TMEM230: variants seen among roughly 807,000 people sequenced by gnomAD.
TMEM230 encodes UPF0414 transmembrane protein C20orf30.
TMEM230 carries 10 observed loss-of-function variants against 15.8 expected under a neutral mutation model. That is an observed-to-expected ratio of 0.63 (90% CI 0.39 to 1.07). TMEM230 has a LOEUF of 1.07. Ranked by LOEUF, TMEM230 falls within the 50% of genes least tolerant of loss-of-function variation. TMEM230 has a pLI of 0.01. For synonymous variants in TMEM230, 67 were observed against 76.9 expected (o/e 0.87, Z 0.68); for missense variants, 165 against 193.3 (o/e 0.85, Z 0.87).
At chr20:5,110,543 C>A (rs991894189) in intron 2 of TMEM230, among the ~76,000 whole-genome samples, 3 of 152,150 alleles carry the variant, frequency 2.0e-5, no homozygotes, top group African/African-American at 4.8e-5. Context: ...ACTCAGCCTT[C>A]CAAAGTGCTG....
intron 3 of TMEM230, among the ~76,000 whole-genome samples, chr20:5,085,839 A>G (rs1249092477): frequency 6.6e-6 from 1 of 152,090 alleles, no homozygotes; most frequent in African/African-American, 2.4e-5. Flanking sequence ...GGACTCTCCA[A>G]TATCTCACCT....
chr20:5,074,682 T>C (rs2122560567), intron 3 of TMEM230, among the ~76,000 whole-genome samples: 1 of 152,238 alleles, frequency 6.6e-6, no homozygotes, highest in South Asian at 2.1e-4. Context: ...TACATGCTTG[T>C]AATCCCTGCA....
downstream of TMEM230, among the ~76,000 whole-genome samples, chr20:5,064,574 C>T (rs958086980): frequency 6.6e-6 from 1 of 152,008 alleles, no homozygotes. Flanking sequence ...GAAACTCCGT[C>T]TCAAAATAAA....
the TMEM230 span, among the ~76,000 whole-genome samples, chr20:5,059,188 GGT>G: frequency 2.6e-5 from 4 of 151,332 alleles, no homozygotes; most frequent in African/African-American, 9.7e-5. Flanking sequence ...TTTTGAGACA[GGT>G]TTTGTTCTGT....
chr20:5,089,157 G>A (rs2089438484), intron 3 of TMEM230, among the ~76,000 whole-genome samples: 1 of 151,638 alleles, frequency 6.6e-6, no homozygotes. Flanking sequence ...GGCAGATCAC[G>A]AGGTCAGAAG....
downstream of TMEM230, among the ~76,000 whole-genome samples, chr20:5,095,520 A>G (rs2089640722): frequency 6.6e-6 from 1 of 152,172 alleles, no homozygotes. Flanking sequence ...GCTTCTGCAG[A>G]CTTTGGGAGT....
intron 3 of TMEM230, among the ~76,000 whole-genome samples, chr20:5,086,775 C>T (rs1431544324): frequency 1.3e-5 from 2 of 151,670 alleles, no homozygotes; most frequent in East Asian, 3.9e-4. Context: ...TCACAACTCA[C>T]TGTAGCCTCA....
chr20:5,070,512 T>C (rs1224658897), intron 3 of TMEM230, among the ~76,000 whole-genome samples: 2 of 152,092 alleles, frequency 1.3e-5, no homozygotes, highest in East Asian at 1.9e-4. Flanking sequence ...CTGGAAGAAG[T>C]TGTCTTGATC....
chr20:5,070,796 T>G (rs2088797890), intron 3 of TMEM230, among the ~76,000 whole-genome samples: 1 of 152,222 alleles, frequency 6.6e-6, no homozygotes, highest in South Asian at 2.1e-4. Flanking sequence ...TGAGACAAGA[T>G]CTCACTGTTG....
At chr20:5,079,273 A>G (rs2089104985) in intron 3 of TMEM230, among the ~76,000 whole-genome samples, 1 of 152,112 alleles carries the variant, frequency 6.6e-6, no homozygotes, top group Non-Finnish European at 1.5e-5. Flanking sequence ...CAGGCACAAG[A>G]CAGCATGCCT....
At chr20:5,110,344 G>T (rs1327122347) in intron 2 of TMEM230, among the ~76,000 whole-genome samples, 1 of 151,844 alleles carries the variant, frequency 6.6e-6, no homozygotes, top group African/African-American at 2.4e-5. Flanking sequence ...GAGTGCAGTG[G>T]CGCAATCTCC....
exon 4 of TMEM230, chr20:5,069,102 G>A: frequency 8.8e-7 from 1 of 1,133,000 alleles, no homozygotes; most frequent in Non-Finnish European, 1.2e-6. Flanking sequence ...TTTACAATCA[G>A]TCATTTTCAT....
intron 3 of TMEM230, among the ~76,000 whole-genome samples, chr20:5,092,905 A>T (rs562785752): frequency 6.6e-6 from 1 of 152,324 alleles, no homozygotes; most frequent in Non-Finnish European, 1.5e-5. Context: ...TTCGCAGTGA[A>T]CATACTGAAA....
chr20:5,103,648 C>A lies in TMEM230; in HGVS notation c.411+2540G>T, dbSNP rs1425720665. Among the ~76,000 whole-genome samples, 304 of 148,040 alleles carry A rather than the reference C, an allele frequency of 2.1e-3. 2 individuals are homozygous for A. Among genetic ancestry groups the A allele is most frequent in the Admixed American group, 6.6e-3 (98 of 14,842 alleles). ...TCTGTCTCAAAAAAAAAAAAACAAA[C>A]AAAAAAACCAAAAAACAAAAAAACA... On this transcript the variant is annotated intron_variant, in intron 4 of 4. Transcript: ENST00000342308.
chr20:5,064,136 G>T (rs540706113), downstream of TMEM230, among the ~76,000 whole-genome samples: 2 of 151,918 alleles, frequency 1.3e-5, no homozygotes, highest in African/African-American at 4.8e-5. Flanking sequence ...GTGTGGTAGC[G>T]CACACCTGTA....
chr20:5,112,045 C>T (rs1381081978), intron 1 of TMEM230, among the ~76,000 whole-genome samples: 2 of 152,168 alleles, frequency 1.3e-5, no homozygotes, highest in Non-Finnish European at 2.9e-5. Flanking sequence ...CGGGCTTCAC[C>T]ATATTGGCCA....
chr20:5,072,587 G>A (rs1196839903), intron 3 of TMEM230, among the ~76,000 whole-genome samples: 2 of 152,094 alleles, frequency 1.3e-5, no homozygotes, highest in East Asian at 1.9e-4. Flanking sequence ...GGTGGCTCAC[G>A]CCTGTAATCC....
At chr20:5,061,236 T>C in the TMEM230 span, 16 of 152,204 alleles carry the variant, frequency 1.1e-4, no homozygotes, top group Non-Finnish European at 1.5e-4. Context: ...TGGCACATTA[T>C]TCACAGCTCA....
chr20:5,107,492 T>A (rs2090142129), intron 3 of TMEM230, among the ~76,000 whole-genome samples: 1 of 152,206 alleles, frequency 6.6e-6, no homozygotes, highest in Non-Finnish European at 1.5e-5. Context: ...AGTTCGAATC[T>A]CATTCCATAA....
Sources: allele counts gnomAD v4.1 joint callset (sites outside exome capture counted in the v4.1 genomes callset), GRCh38; gene constraint gnomAD v4.1.1; transcripts MANE v1.5; gene names NCBI Gene and HGNC (gene_info 2026-07-23, HGNC 2026-07-21).